Variants in PSORS1C1 observed in about 807,000 individuals in gnomAD.
The protein encoded by PSORS1C1 is psoriasis susceptibility 1 candidate 1.
Under a neutral mutation model 9.4 loss-of-function variants are expected in PSORS1C1, and 7 were observed. The ratio of observed to expected loss-of-function variants is 0.75; its 90% CI spans 0.42 to 1.40. The LOEUF is 1.40. Ranked by LOEUF, PSORS1C1 falls within the 40% of genes most tolerant of loss-of-function variation. The pLI, the probability that PSORS1C1 is intolerant of heterozygous loss-of-function variation, is 0.01. For missense variants in PSORS1C1, 146 were observed against 178.1 expected (o/e 0.82, Z 1.02); for synonymous variants, 63 against 69.4 (o/e 0.91, Z 0.46).
chr6:31,120,705 C>T (rs904504659), intron 1 of PSORS1C1, among the ~76,000 whole-genome samples: 1 of 152,136 alleles, frequency 6.6e-6, no homozygotes, highest in Non-Finnish European at 1.5e-5. Flanking sequence ...TTGCCTAACC[C>T]GGAACCAGGC....
At chr6:31,134,458 A>G (rs1424460193) in intron 3 of PSORS1C1, among the ~76,000 whole-genome samples, 1 of 151,756 alleles carries the variant, frequency 6.6e-6, no homozygotes, top group Non-Finnish European at 1.5e-5. Flanking sequence ...GCCGGCCACC[A>G]TGCCCGGCTA....
Position 31,115,967 on chromosome 6 carries a change from G to T in PSORS1C1, c.-229+1076G>T, listed in dbSNP as rs1429106411. On this transcript the variant is annotated intron_variant, in intron 1 of 5. Transcript: ENST00000259881. The surrounding 1 kb of genome is among the most constrained non-coding windows in gnomAD (Gnocchi z 4.2). ...TGGGCACTGGACTTCTCCCATATGG[G>T]ATATAGTGTATGTGCTTGTTTGTGC... 11 of 1,464,062 alleles carry T rather than the reference G, an allele frequency of 7.5e-6. No individual in the cohort carries two copies. Among genetic ancestry groups the T allele is most frequent in the Non-Finnish European group, 9.5e-6 (10 of 1,047,648 alleles). The allele number at this position is 1,464,062 out of a possible 1,614,324, so 90.7% of individuals were successfully genotyped here.
At chr6:31,137,494 G>A (rs1285504424) in intron 3 of PSORS1C1, 3 of 165,640 alleles carry the variant, frequency 1.8e-5, no homozygotes, top group African/African-American at 7.1e-5. Context: ...AAATAAAAAA[G>A]ACCCTAAGTG....
chr6:31,119,122 G>A (rs1232402336), intron 1 of PSORS1C1, among the ~76,000 whole-genome samples: 1 of 151,986 alleles, frequency 6.6e-6, no homozygotes, highest in African/African-American at 2.4e-5. Context: ...GGGATTACAG[G>A]CACAAGCTAT....
At position 31,139,611 on chromosome 6, in the gene PSORS1C1, C is replaced by T. The variant is rs778700284; in HGVS notation, c.168-30C>T. On this transcript the variant is annotated intron_variant, in intron 5 of 5. Coordinates refer to ENST00000259881, the MANE Select transcript of PSORS1C1 (RefSeq NM_014068.3). This position sits in a 1 kb window ranked among gnomAD's most constrained non-coding sequence, Gnocchi z 5.2. ...CTTCCCTTCCCCCATGGGATCCAGGCATCCTGCTCTCCACCATGTCCTTCT... is the reference window on the plus strand; with the variant it reads ...CTTCCCTTCCCCCATGGGATCCAGGTATCCTGCTCTCCACCATGTCCTTCT... 1.3e-6 allele frequency: 2 copies of T among 1,599,636 alleles called. No homozygotes were observed.
At position 31,139,437 on chromosome 6, in the gene PSORS1C1, T is replaced by C; in HGVS notation, c.168-204T>C. On this transcript the variant is annotated intron_variant, in intron 5 of 5. Transcript: ENST00000259881. This position sits in a 1 kb window ranked among gnomAD's most constrained non-coding sequence, Gnocchi z 5.2. ...GATGGGCGTTGGGAAGCACCGTAAT[T>C]ACAGGGTTGGGAGGCAGGATGCCTG... is the stretch of plus-strand genomic sequence containing the variant. 1.7e-6 allele frequency: 1 copy of C among 602,422 alleles called. No individual in the cohort carries two copies. The highest frequency in any genetic ancestry group is 2.9e-6 in the Non-Finnish European group (1 of 339,816). The allele number at this position is 602,422 out of a possible 1,614,324, so 37.3% of individuals were successfully genotyped here.
chr6:31,117,603 G>C (rs1772236204), intron 1 of PSORS1C1: 1 of 1,330,926 alleles, frequency 7.5e-7, no homozygotes, highest in African/African-American at 1.5e-5. Context: ...CCTTATCTCA[G>C]TCATCGGCCT....
At chr6:31,135,340 A>G (rs886357085) in intron 3 of PSORS1C1, among the ~76,000 whole-genome samples, 2 of 152,112 alleles carry the variant, frequency 1.3e-5, no homozygotes, top group Middle Eastern at 3.4e-3. Flanking sequence ...AGGTTCAAGC[A>G]ATTCTCATGC....
intron 4 of PSORS1C1, 86 bp from the exon 5 acceptor site, chr6:31,138,570 C>T: frequency 3.1e-6 from 5 of 1,608,328 alleles, no homozygotes; most frequent in East Asian, 2.2e-5. Context: ...TCCAAATAAG[C>T]TCCATCCACC....
chr6:31,130,855 A>G (rs9501502), intron 3 of PSORS1C1, among the ~76,000 whole-genome samples: 2 of 149,958 alleles, frequency 1.3e-5, no homozygotes, highest in Admixed American at 6.7e-5. Context: ...GCCCTTTTTT[A>G]ATTTTAATTT....
chr6:31,140,086 T>C lies in PSORS1C1; in HGVS notation c.*154T>C, dbSNP rs1387104732. ...TACCCCACAGTAAGGAACACCTTAT[T>C]ATGCAATGGCGTGATCTCATCTGTT... On this transcript the variant is annotated 3_prime_UTR_variant, in exon 6 of 6. Transcript: ENST00000259881. The surrounding 1 kb of genome is among the most constrained non-coding windows in gnomAD (Gnocchi z 4.6). The C allele has an allele frequency of 2.8e-6, 2 of 706,742 alleles. No individual in the cohort carries two copies. The highest frequency in any genetic ancestry group is 1.8e-5 in the African/African-American group (1 of 56,204). The allele number at this position is 706,742 out of a possible 1,614,324, so 43.8% of individuals were successfully genotyped here.
At chr6:31,123,892 G>A (rs760113031) in intron 1 of PSORS1C1, among the ~76,000 whole-genome samples, 5 of 152,224 alleles carry the variant, frequency 3.3e-5, no homozygotes, top group Non-Finnish European at 7.3e-5. Flanking sequence ...GAAGCGGGTA[G>A]GCACTTGGCT....
At chr6:31,123,454 G>C (rs1772549586) in intron 1 of PSORS1C1, among the ~76,000 whole-genome samples, 1 of 152,228 alleles carries the variant, frequency 6.6e-6, no homozygotes, top group Admixed American at 6.5e-5. Context: ...ACAGGCCAGG[G>C]TCACCTTCAG....
rs9257056 is a variant in PSORS1C1, at chr6:31,127,561, A to AATTATTATTATTATTATTATTATT, written c.-65+1729_-65+1752dup. ...TCTCTCAATGACCCTAGGAGACAGG[A>AATTATTATTATTATTATTATTATT]ATTATTATTATTATTATTATTATTA... On this transcript the variant is annotated intron_variant, in intron 2 of 5. Coordinates refer to ENST00000259881, the MANE Select transcript of PSORS1C1 (RefSeq NM_014068.3). 8.4e-3 allele frequency among the ~76,000 whole-genome samples: 1,190 copies of AATTATTATTATTATTATTATTATT among 141,576 alleles called. 12 individuals are homozygous for AATTATTATTATTATTATTATTATT. The highest frequency in any genetic ancestry group is 0.013 in the Admixed American group (184 of 13,864). The allele number at this position is 141,576 out of a possible 152,430, so 92.9% of individuals were successfully genotyped here.
rs1156984186 is a variant in PSORS1C1, at chr6:31,139,743, C to G, written c.270C>G (p.Pro90=). ...GGACACAGGAGGATATCCTGGTTCC[C>G]TCTTCCCACCCAGAGCTGTTTGCAT... ...KGRTQEDILV[P]SSHPELFASV... The change falls in exon 6 of 6, where the codon CCC becomes CCG. Residue 90 remains proline, a synonymous_variant. Transcript: ENST00000259881. This position sits in a 1 kb window ranked among gnomAD's most constrained non-coding sequence, Gnocchi z 5.2. The G allele has an allele frequency of 6.2e-7, 1 of 1,613,096 alleles. No homozygotes were observed. The highest frequency in any genetic ancestry group is 8.5e-7 in the Non-Finnish European group (1 of 1,180,038).
At chr6:31,137,589 A>G in intron 3 of PSORS1C1, 1 of 303,118 alleles carries the variant, frequency 3.3e-6, no homozygotes. Context: ...CTGTCTACTG[A>G]TAGTTCCTGC....
rs372700826 is a variant in PSORS1C1 at position 31,129,426 on chromosome 6, T to C, written c.-64-143T>C. ...TCCCTCTGCAAATACCTCCATACCA[T>C]CCAGGCCCACTCAGTCTCCTCCCCA... On this transcript the variant is annotated intron_variant, in intron 2 of 5. Coordinates refer to ENST00000259881, the MANE Select transcript of PSORS1C1 (RefSeq NM_014068.3). The C allele has an allele frequency of 5.7e-5, 34 of 595,492 alleles. No individual in the cohort carries two copies. The African/African-American group carries it at 5.9e-4, about 10-fold the overall frequency. The allele number at this position is 595,492 out of a possible 1,614,324, so 36.9% of individuals were successfully genotyped here. A position where few individuals can be genotyped will look rare whatever the true frequency, so the allele number is the denominator to read the frequency against.
At chr6:31,126,926 C>T (rs3130557) in intron 2 of PSORS1C1, among the ~76,000 whole-genome samples, 11,821 of 152,270 alleles carry the variant, frequency 0.078, 651 homozygotes, top group Non-Finnish European at 0.12. Context: ...GAGGGAGGCA[C>T]ACAGAGGCTG....
At chr6:31,137,726 A>T (rs1233984171) in intron 3 of PSORS1C1, 1 of 398,214 alleles carries the variant, frequency 2.5e-6, no homozygotes, top group African/African-American at 2.1e-5. Flanking sequence ...GAGTAGGCTT[A>T]GGCTGTCAGA....
Sources: allele counts gnomAD v4.1 joint callset (sites outside exome capture counted in the v4.1 genomes callset), GRCh38; gene constraint gnomAD v4.1.1; non-coding constraint Gnocchi (gnomAD v3.1); transcripts MANE v1.5; gene names NCBI Gene and HGNC (gene_info 2026-07-23, HGNC 2026-07-21).